The following MCF2L variants were observed in gnomAD, a reference collection of about 807,000 sequenced individuals.
MCF2L encodes guanine nucleotide exchange factor DBS.
MCF2L carries 97 observed loss-of-function variants against 153.4 expected under a neutral mutation model. The ratio of observed to expected loss-of-function variants is 0.63; its 90% CI spans 0.54 to 0.75. The LOEUF is 0.75. Among genes scored for constraint, MCF2L ranks in the 30% least tolerant of loss-of-function variants. The pLI, the probability that MCF2L is intolerant of heterozygous loss-of-function variation, is 0.00. For synonymous variants in MCF2L, 659 were observed against 632.2 expected, an observed-to-expected ratio of 1.04 and a Z score of -0.64; for missense variants, 1,347 against 1,495.2, an observed-to-expected ratio of 0.90 and a Z score of 1.64.
At chr13:113,065,146 G>A (rs755684016) in intron 7 of MCF2L, 61 bp downstream of exon 7, 28 of 1,594,740 alleles carry the variant, frequency 1.8e-5, no homozygotes, top group East Asian at 4.5e-5. Flanking sequence ...GAAGCTGCGC[G>A]GGGCTCCGGT....
At chr13:112,939,715 C>A (rs976628661) in intron 2 of MCF2L, among the ~76,000 whole-genome samples, 1 of 152,208 alleles carries the variant, frequency 6.6e-6, no homozygotes, top group African/African-American at 2.4e-5. Context: ...CAGTGGCTCA[C>A]GCCTGTAATC....
intron 16 of MCF2L, among the ~76,000 whole-genome samples, chr13:113,082,150 C>T (rs999503798): frequency 6.6e-6 from 1 of 152,130 alleles, no homozygotes; most frequent in Non-Finnish European, 1.5e-5. Context: ...GCAGGTCACC[C>T]GAGTGTAGAC....
intron 3 of MCF2L, among the ~76,000 whole-genome samples, chr13:113,030,954 G>A (rs115203145): frequency 0.011 from 1,609 of 152,298 alleles, 23 homozygotes; most frequent in African/African-American, 0.037. Context: ...AAATTGTGGC[G>A]CTGAGACAAT....
rs1348968600 is a variant in MCF2L, at chr13:113,045,369, C to G, written c.369+8C>G. 1.9e-6 allele frequency: 3 copies of G among 1,611,948 alleles called. No individual in the cohort carries two copies. In the South Asian group the frequency reaches 3.3e-5, roughly 18 times the overall value. ...TCCGTCCTGCGCATCGCAGTAAGTG[C>G]CACCCGGGGCTCTGCCCTGCGCCCG... is the stretch of plus-strand genomic sequence containing the variant. On this transcript the variant is annotated splice_region_variant and intron_variant, in intron 4 of 29. Coordinates refer to ENST00000535094, the MANE Select transcript of MCF2L (RefSeq NM_001112732.3). This position sits in a 1 kb window ranked among gnomAD's most constrained non-coding sequence, Gnocchi z 4.2.
rs2087528362 is a variant in MCF2L, at chr13:113,053,701, G to A, written c.370-6892G>A. ...GGTTGCCACAGGGCTGTGTTTTCAA[G>A]GGGAGCAGCAGGTGCCTGGCGTCTG... is the stretch of plus-strand genomic sequence containing the variant. On this transcript the variant is annotated intron_variant, in intron 4 of 29. Coordinates refer to ENST00000535094, the MANE Select transcript of MCF2L (RefSeq NM_001112732.3). The surrounding 1 kb of genome is among the most constrained non-coding windows in gnomAD (Gnocchi z 4.4). 6.6e-6 allele frequency among the ~76,000 whole-genome samples: 1 copy of A among 152,220 alleles called. No homozygotes were observed. Among genetic ancestry groups the A allele is most frequent in the Admixed American group, 6.5e-5 (1 of 15,284 alleles).
rs551195872 is a variant in MCF2L at position 113,097,123 on chromosome 13, C to T, written c.*264C>T. The T allele has an allele frequency of 5.6e-4, 187 of 332,690 alleles. No homozygotes were observed. The highest frequency in any genetic ancestry group is 8.9e-4 in the Non-Finnish European group (163 of 184,084). 20.6% of individuals were successfully genotyped at this position (332,690 alleles called of 1,614,324 possible). ...GGCGGCAGGCGCCGGGCAGCGGCAT[C>T]TCGTCCTGGCTCCACCGTGCTGCTT... On this transcript the variant is annotated 3_prime_UTR_variant, in exon 30 of 30. Coordinates refer to ENST00000535094, the MANE Select transcript of MCF2L (RefSeq NM_001112732.3).
intron 1 of MCF2L, among the ~76,000 whole-genome samples, chr13:112,982,064 A>G (rs1029272485): frequency 6.6e-6 from 1 of 152,120 alleles, no homozygotes; most frequent in Non-Finnish European, 1.5e-5. Flanking sequence ...GCAGCAGTGG[A>G]GGCCTTGTCT....
chr13:113,004,389 A>G (rs1405144334), intron 1 of MCF2L, among the ~76,000 whole-genome samples: 1 of 152,144 alleles, frequency 6.6e-6, no homozygotes, highest in Non-Finnish European at 1.5e-5. Context: ...CACCTCCTCC[A>G]TGGACCTCAG....
At position 113,084,640 on chromosome 13, in the gene MCF2L, C is replaced by T. The variant is rs1451570522; in HGVS notation, c.2062-252C>T. ...GCGGTGGAACCCCGTCTCCACTCCA[C>T]GCCTGTGCTCTGGGAAGTCAGGGGC... On this transcript the variant is annotated intron_variant, in intron 18 of 29. Transcript: ENST00000535094. The T allele has an allele frequency of 5.2e-5, 29 of 559,668 alleles. No individual in the cohort carries two copies. In the East Asian group the frequency reaches 5.3e-4, roughly 10 times the overall value. The allele number at this position is 559,668 out of a possible 1,614,324, so 34.7% of individuals were successfully genotyped here.
At chr13:113,095,712 C>T in intron 27 of MCF2L, 1 of 992,394 alleles carries the variant, frequency 1.0e-6, no homozygotes, top group Non-Finnish European at 1.2e-6. Context: ...GGCCCTGCAG[C>T]CGGCAGCACC....
intron 5 of MCF2L, among the ~76,000 whole-genome samples, chr13:113,062,706 T>C (rs2031711956): frequency 6.6e-6 from 1 of 152,140 alleles, no homozygotes; most frequent in African/African-American, 2.4e-5. Flanking sequence ...TGCCGTGTGC[T>C]GGACTCAGCC....
intron 1 of MCF2L, among the ~76,000 whole-genome samples, chr13:113,004,240 A>G (rs1350469537): frequency 2.6e-5 from 4 of 152,198 alleles, no homozygotes; most frequent in Admixed American, 1.3e-4. Flanking sequence ...GTCACTTGGC[A>G]GAGGAGGACG....
In MCF2L at chr13:113,077,200, G is replaced by A. The variant is rs780916625; in HGVS notation, c.1649G>A (p.Cys550Tyr). The change falls in exon 13 of 30, where the codon TGC (cysteine) becomes TAC (tyrosine). Residue 550 changes from cysteine to tyrosine, a missense_variant. Physicochemically the swap from Cys to Tyr is radical, Grantham distance 194. Around this residue, in one of 3 missense-constraint regions of MCF2L, gnomAD observed 820 missense variants for 921.2 expected, o/e 0.89. Transcript: ENST00000535094. ...PRPEALAKSP[C>Y]PSPGIRRGSE... The stretch of plus-strand genomic sequence containing the variant: ...CCCGAGGCACTGGCAAAGTCGCCCT[G>A]CCCCTCCCCAGGTCTGTGTGGCCGC... The A allele has an allele frequency of 2.5e-5, 39 of 1,588,812 alleles. No homozygotes were observed. The South Asian group carries it at 4.3e-4, about 18-fold the overall frequency.
At chr13:113,089,454 T>C (rs534298) in intron 25 of MCF2L, among the ~76,000 whole-genome samples, 156 bp from the exon 26 acceptor site, 3,905 of 27,346 alleles carry the variant, frequency 0.14, 161 homozygotes, top group Non-Finnish European at 0.23. Context: ...TCTCATCCAG[T>C]CCGTCCGGGT....
At chr13:113,090,040 T>C in intron 26 of MCF2L, 2 of 1,589,810 alleles carry the variant, frequency 1.3e-6, no homozygotes. Context: ...CGATGCCCTC[T>C]GCATAGTTTC....
intron 1 of MCF2L, among the ~76,000 whole-genome samples, chr13:112,978,756 G>A (rs1233615265): frequency 2.6e-5 from 4 of 152,260 alleles, no homozygotes; most frequent in South Asian, 2.1e-4. Flanking sequence ...ACAGCATGTG[G>A]GCTTTCACAA....
chr13:113,031,062 GAGAGACAGAGACAGACAGATAC>G lies in MCF2L; in HGVS notation c.278+6308_278+6329del, dbSNP rs1189929579. Among the ~76,000 whole-genome samples the G allele has an allele frequency of 3.8e-5, 3 of 78,410 alleles. No individual in the cohort carries two copies. The highest frequency in any genetic ancestry group is 3.8e-4 in the Admixed American group (3 of 7,966). 51.4% of individuals were successfully genotyped at this position (78,410 alleles called of 152,430 possible). On this transcript the variant is annotated intron_variant, in intron 3 of 29. Transcript: ENST00000535094. This position sits in a 1 kb window ranked among gnomAD's most constrained non-coding sequence, Gnocchi z 5.5. ...AGACAGAGACAGACAGATACAGACA[GAGAGACAGAGACAGACAGATAC>G]AGACAGAGACAGAGACAGAGAGAGA...
chr13:112,919,470 G>T (rs980069552), intron 2 of MCF2L, among the ~76,000 whole-genome samples: 1 of 152,056 alleles, frequency 6.6e-6, no homozygotes, highest in Non-Finnish European at 1.5e-5. Flanking sequence ...CTCCCAAAGT[G>T]CTGGGATTAC....
At chr13:113,048,596 C>G (rs1374545863) in intron 4 of MCF2L, among the ~76,000 whole-genome samples, 6 of 152,164 alleles carry the variant, frequency 3.9e-5, no homozygotes, top group Non-Finnish European at 7.3e-5. Context: ...CACCTGCCAC[C>G]ACGCCCGGCT....
Sources: gnomAD v4.1 joint callset for allele counts (sites outside exome capture counted in the v4.1 genomes callset) on GRCh38, gnomAD v4.1.1 for gene constraint, gnomAD v4.1.1 regional missense constraint, Gnocchi (gnomAD v3.1) non-coding constraint, MANE v1.5 for transcripts, NCBI Gene and HGNC (gene_info 2026-07-23, HGNC 2026-07-21) for gene names.